PDS5B: variants seen among roughly 807,000 people sequenced by gnomAD.
The protein encoded by PDS5B is sister chromatid cohesion protein PDS5 homolog B.
Under a neutral mutation model 184.1 loss-of-function variants are expected in PDS5B, and 51 were observed. That is an observed-to-expected ratio of 0.28 (90% CI 0.22 to 0.35). The LOEUF (loss-of-function observed/expected upper bound fraction) is 0.35. Among genes scored for constraint, PDS5B ranks in the 10% least tolerant of loss-of-function variants. PDS5B has a pLI of 1.00. For synonymous variants in PDS5B, 566 were observed against 569.2 expected, an observed-to-expected ratio of 0.99 and a Z score of 0.08; for missense variants, 1,180 against 1,723.3, an observed-to-expected ratio of 0.68 and a Z score of 5.58.
At position 32,777,008 on chromosome 13, in the gene PDS5B, T is replaced by C. The variant is rs1458295078; in HGVS notation, c.*1956T>C. 2.0e-5 allele frequency: 3 copies of C among 152,384 alleles called. No individual in the cohort carries two copies. Among genetic ancestry groups the C allele is most frequent in the Non-Finnish European group, 4.4e-5 (3 of 67,918 alleles). 9.4% of individuals were successfully genotyped at this position (152,384 alleles called of 1,614,324 possible). A position where few individuals can be genotyped will look rare whatever the true frequency, so the allele number is the denominator to read the frequency against. On this transcript the variant is annotated 3_prime_UTR_variant, in exon 35 of 35. Transcript: ENST00000315596. ...CCTTAGCTCGGTTCTCCCAAACACATAATTTCTGTTTCAGCAGTACAAAGG... is the reference window on the plus strand; with the variant it reads ...CCTTAGCTCGGTTCTCCCAAACACACAATTTCTGTTTCAGCAGTACAAAGG...
At chr13:32,591,127 T>A (rs916560158) in intron 1 of PDS5B, among the ~76,000 whole-genome samples, 9 of 151,788 alleles carry the variant, frequency 5.9e-5, no homozygotes, top group East Asian at 1.9e-4. Context: ...TTATTTATTT[T>A]ATTATTATTA....
chr13:32,716,876 G>A (rs1281844954), intron 19 of PDS5B, among the ~76,000 whole-genome samples: 26 of 119,838 alleles, frequency 2.2e-4, no homozygotes, highest in African/African-American at 7.6e-4. Context: ...CAGCCGCCCC[G>A]TCCGGGAGGT....
In PDS5B at chr13:32,746,215, T is replaced by C. The variant is rs560174029; in HGVS notation, c.2736+115T>C. On this transcript the variant is annotated intron_variant, in intron 24 of 34. Transcript: ENST00000315596. Reference sequence around the variant, plus strand: ...TGAATGTGTATGGTTTGTTTGTTTCTGAAAAATTTATGCATGAGAAACATT... The same window carrying C: ...TGAATGTGTATGGTTTGTTTGTTTCCGAAAAATTTATGCATGAGAAACATT... 4.2e-5 allele frequency: 39 copies of C among 931,140 alleles called. No homozygotes were observed. The African/African-American group carries it at 5.7e-4, about 14-fold the overall frequency. The allele number at this position is 931,140 out of a possible 1,614,324, so 57.7% of individuals were successfully genotyped here. A position where few individuals can be genotyped will look rare whatever the true frequency, so the allele number is the denominator to read the frequency against.
intron 2 of PDS5B, chr13:32,650,055 A>G (rs1950329588): frequency 6.6e-6 from 1 of 152,194 alleles, no homozygotes; most frequent in Non-Finnish European, 1.5e-5. Flanking sequence ...CTCAGAGCCT[A>G]CACTTAAAAC....
chr13:32,732,041 C>G, intron 19 of PDS5B, 60 bp from the exon 20 acceptor site: 1 of 1,390,674 alleles, frequency 7.2e-7, no homozygotes, highest in Non-Finnish European at 1.0e-6. Flanking sequence ...ATTAAAGTAT[C>G]TAGCAGAAGT....
intron 31 of PDS5B, 93 bp downstream of exon 31, chr13:32,764,687 A>G: frequency 3.2e-6 from 2 of 617,734 alleles, no homozygotes; most frequent in Non-Finnish European, 5.3e-6. Flanking sequence ...TATCAAATTT[A>G]CATTTTATTT....
At chr13:32,601,800 T>G (rs1196829290) in intron 1 of PDS5B, among the ~76,000 whole-genome samples, 1 of 152,226 alleles carries the variant, frequency 6.6e-6, no homozygotes, top group Non-Finnish European at 1.5e-5. Context: ...GCTAAGCAGA[T>G]TAAAGAAAAG....
At chr13:32,623,294 A>C (rs964309659) in intron 1 of PDS5B, among the ~76,000 whole-genome samples, 7 of 152,204 alleles carry the variant, frequency 4.6e-5, no homozygotes, top group African/African-American at 1.7e-4. Flanking sequence ...CACTGGCTAC[A>C]TGATTCCTGA....
intron 10 of PDS5B, among the ~76,000 whole-genome samples, chr13:32,683,224 A>G (rs1354173350): frequency 1.3e-5 from 2 of 151,702 alleles, no homozygotes; most frequent in African/African-American, 2.4e-5. Flanking sequence ...CGTGTTGGCC[A>G]GGCTGGTCTC....
At chr13:32,635,170 G>GTT (rs71071054) in intron 1 of PDS5B, among the ~76,000 whole-genome samples, 10 of 81,116 alleles carry the variant, frequency 1.2e-4, no homozygotes, top group Non-Finnish European at 1.5e-4. Flanking sequence ...AGCCAATTAC[G>GTT]TTTTTTTTTT....
At chr13:32,633,110 A>T (rs1291085559) in intron 1 of PDS5B, among the ~76,000 whole-genome samples, 1 of 152,220 alleles carries the variant, frequency 6.6e-6, no homozygotes, top group African/African-American at 2.4e-5. Context: ...ACTTAAGGAT[A>T]GGCAAATTTA....
chr13:32,750,867 G>A lies in PDS5B; in HGVS notation c.2737-2465G>A, dbSNP rs187619141. Reference sequence around the variant, plus strand: ...TCCCTCTGTGTGTGTGTGTGTGTGTGTGTGTGTGTGTGTGTGTGTGTTTTA... The same window carrying A: ...TCCCTCTGTGTGTGTGTGTGTGTGTATGTGTGTGTGTGTGTGTGTGTTTTA... On this transcript the variant is annotated intron_variant, in intron 24 of 34. Transcript: ENST00000315596. Among the ~76,000 whole-genome samples, 815 of 151,850 alleles carry A rather than the reference G, an allele frequency of 5.4e-3. 5 individuals carry two copies. Among genetic ancestry groups the A allele is most frequent in the Middle Eastern group, 0.017 (5 of 292 alleles).
chr13:32,735,134 T>C (rs996992003), intron 20 of PDS5B, 38 bp from the exon 21 acceptor site: 20 of 1,344,986 alleles, frequency 1.5e-5, no homozygotes, highest in Non-Finnish European at 1.9e-5. Context: ...TTTGTATATG[T>C]GTAGAGTTGA....
chr13:32,735,897 G>GC (rs1412929517), intron 21 of PDS5B, among the ~76,000 whole-genome samples: 1 of 152,082 alleles, frequency 6.6e-6, no homozygotes, highest in African/African-American at 2.4e-5. Flanking sequence ...GGGTTAATCT[G>GC]CCACCTGATT....
intron 1 of PDS5B, among the ~76,000 whole-genome samples, chr13:32,596,950 T>A (rs866570564): frequency 6.6e-5 from 10 of 152,166 alleles, no homozygotes; most frequent in Non-Finnish European, 1.0e-4. Flanking sequence ...ATCTTTTTTT[T>A]AACAGTATTT....
At chr13:32,674,374 T>C (rs1317236428) in intron 8 of PDS5B, among the ~76,000 whole-genome samples, 1 of 152,162 alleles carries the variant, frequency 6.6e-6, no homozygotes, top group Non-Finnish European at 1.5e-5. Flanking sequence ...TAAGTATTCT[T>C]CTTATATTCT....
rs1555296358 is a variant in PDS5B at position 32,655,375 on chromosome 13, T to TATATATATATATATATA, written c.313-2864_313-2863insATATATATATATATATA. Among the ~76,000 whole-genome samples the TATATATATATATATATA allele has an allele frequency of 4.7e-4, 24 of 50,874 alleles. 1 individual carries two copies. The highest frequency in any genetic ancestry group is 4.3e-3 in the East Asian group (3 of 704). The allele number at this position is 50,874 out of a possible 152,430, so 33.4% of individuals were successfully genotyped here. ...GTTCTTTGCCATATATATATATATA[T>TATATATATATATATATA]TTTTTTTTTTTTTTTTTTTTTTAGA... On this transcript the variant is annotated intron_variant, in intron 3 of 34. Transcript: ENST00000315596.
At chr13:32,649,431 CTG>C (rs1213128974) in intron 2 of PDS5B, 2 of 152,178 alleles carry the variant, frequency 1.3e-5, no homozygotes, top group Admixed American at 6.5e-5. Context: ...GTGGTGATCT[CTG>C]TAATTGTTAA....
At chr13:32,757,617 G>C (rs1404783688) in intron 26 of PDS5B, among the ~76,000 whole-genome samples, 5 of 152,056 alleles carry the variant, frequency 3.3e-5, no homozygotes, top group Non-Finnish European at 7.4e-5. Flanking sequence ...TGTCAATCTT[G>C]ACTTTTTCTC....
Sources: allele counts gnomAD v4.1 joint callset (sites outside exome capture counted in the v4.1 genomes callset), GRCh38; gene constraint gnomAD v4.1.1; transcripts MANE v1.5; gene names NCBI Gene and HGNC (gene_info 2026-07-23, HGNC 2026-07-21).